Variants in UBAP2L observed in about 807,000 individuals in gnomAD.
UBAP2L encodes the protein ubiquitin-associated protein 2-like.
Under a neutral mutation model 130.6 loss-of-function variants are expected in UBAP2L, and 12 were observed. That is an observed-to-expected ratio of 0.09 (90% CI 0.06 to 0.15). UBAP2L has a LOEUF of 0.15. Ranked by LOEUF, UBAP2L falls within the 10% of genes least tolerant of loss-of-function variation. The pLI is 1.00. For missense variants in UBAP2L, 965 were observed against 1,332.5 expected (o/e 0.72, Z 4.29); for synonymous variants, 503 against 524.7 (o/e 0.96, Z 0.57).
At chr1:154,221,718 T>C (rs947606820) in intron 1 of UBAP2L, among the ~76,000 whole-genome samples, 4 of 152,224 alleles carry the variant, frequency 2.6e-5, no homozygotes, top group African/African-American at 9.6e-5. Context: ...TCAGCTCCTC[T>C]TATTACCCTC....
intron 7 of UBAP2L, 21 bp from the exon 8 acceptor site, chr1:154,237,003 C>CT: frequency 2.5e-6 from 4 of 1,600,646 alleles, no homozygotes; most frequent in East Asian, 2.2e-5. Flanking sequence ...GTCAGAGACT[C>CT]TTAAGTTTTA....
Position 154,259,936 on chromosome 1 carries a change from CCT to C in UBAP2L, c.2497-9_2497-8del. 1.9e-6 allele frequency: 3 copies of C among 1,613,020 alleles called. No individual in the cohort carries two copies. The highest frequency in any genetic ancestry group is 2.5e-6 in the Non-Finnish European group (3 of 1,179,216). On this transcript the variant is annotated splice_polypyrimidine_tract_variant and intron_variant, in intron 21 of 26. Transcript: ENST00000428931. ...ACATTGAATCTCTGCTCTTTTTTCC[CCT>C]CTTTTCTAGGATTACTACAGCATCC...
chr1:154,220,636 A>C, upstream of UBAP2L: 1 of 588,018 alleles, frequency 1.7e-6, no homozygotes, highest in South Asian at 2.0e-5. Context: ...CAGGCAGGCA[A>C]TGGCACCCAG....
chr1:154,256,638 C>T (rs545794847), intron 18 of UBAP2L, among the ~76,000 whole-genome samples: 1 of 151,660 alleles, frequency 6.6e-6, no homozygotes, highest in Non-Finnish European at 1.5e-5. Context: ...GACCCTGTCT[C>T]AAAAAAAATG....
At chr1:154,222,678 A>C (rs1386610087) in intron 1 of UBAP2L, among the ~76,000 whole-genome samples, 1 of 152,188 alleles carries the variant, frequency 6.6e-6, no homozygotes, top group East Asian at 1.9e-4. Flanking sequence ...ATTTTACCCA[A>C]CTCAGTCTAG....
intron 1 of UBAP2L, 179 bp downstream of exon 1, chr1:154,221,154 C>T (rs1665829354): frequency 6.6e-6 from 1 of 152,076 alleles, no homozygotes; most frequent in African/African-American, 2.4e-5. Flanking sequence ...TGTGTTCCCC[C>T]ACTGTACACC....
chr1:154,259,038 TG>T lies in UBAP2L; in HGVS notation c.2496+9del. 1 of 1,613,074 alleles carries T rather than the reference TG, an allele frequency of 6.2e-7. No individual in the cohort carries two copies. Among genetic ancestry groups the T allele is most frequent in the East Asian group, 2.2e-5 (1 of 44,872 alleles). Reference sequence around the variant, plus strand: ...CAGACAAGATTTCCATTGGTGAGTATGTGGGATAGAGCTTTGGAAAAGAAAG... The same window carrying T: ...CAGACAAGATTTCCATTGGTGAGTATTGGGATAGAGCTTTGGAAAAGAAAG... On this transcript the variant is annotated intron_variant, in intron 21 of 26. Transcript: ENST00000428931.
At chr1:154,234,863 C>T (rs2148628133) in intron 5 of UBAP2L, 104 bp downstream of exon 5, 1 of 1,482,498 alleles carries the variant, frequency 6.7e-7, no homozygotes, top group East Asian at 2.5e-5. Context: ...ATTATATTAT[C>T]CTTTTGCTTT....
upstream of UBAP2L, chr1:154,220,489 G>T: frequency 6.5e-7 from 1 of 1,528,734 alleles, no homozygotes; most frequent in Non-Finnish European, 9.1e-7. Context: ...AAGCGACGGC[G>T]CCTGGGTCCC....
At chr1:154,257,023 T>A in intron 18 of UBAP2L, 40 bp from the exon 19 acceptor site, 1 of 1,590,956 alleles carries the variant, frequency 6.3e-7, no homozygotes, top group Non-Finnish European at 8.6e-7. Flanking sequence ...GATGCTGATC[T>A]CTTTTCTTCT....
At chr1:154,250,643 C>T (rs1248808276) in intron 12 of UBAP2L, among the ~76,000 whole-genome samples, 2 of 152,000 alleles carry the variant, frequency 1.3e-5, no homozygotes, top group African/African-American at 2.4e-5. Context: ...CACTTGAGGT[C>T]AGGAGTTCGA....
chr1:154,247,065 T>C (rs1675775061), intron 11 of UBAP2L, among the ~76,000 whole-genome samples: 1 of 152,246 alleles, frequency 6.6e-6, no homozygotes, highest in Non-Finnish European at 1.5e-5. Flanking sequence ...AGTTTTCTCA[T>C]AGTCATTGAG....
chr1:154,243,388 C>T (rs543282659), intron 10 of UBAP2L, 86 bp downstream of exon 10: 3 of 1,181,166 alleles, frequency 2.5e-6, no homozygotes, highest in South Asian at 1.3e-5. Context: ...CCTTTGTAAA[C>T]TCCCATGGTG....
chr1:154,264,392 T>C (rs1372739343), intron 24 of UBAP2L, among the ~76,000 whole-genome samples: 1 of 152,126 alleles, frequency 6.6e-6, no homozygotes, highest in Admixed American at 6.6e-5. Context: ...GGTGTTGATG[T>C]TGGAAGGAAA....
At chr1:154,251,750 C>T (rs1433964002) in intron 14 of UBAP2L, 97 bp downstream of exon 14, 13 of 1,381,796 alleles carry the variant, frequency 9.4e-6, no homozygotes, top group African/African-American at 1.5e-5. Context: ...CCAAGCCCCT[C>T]TGCATGGCTG....
At chr1:154,259,489 G>A (rs560241175) in intron 21 of UBAP2L, among the ~76,000 whole-genome samples, 362 of 151,976 alleles carry the variant, frequency 2.4e-3, no homozygotes, top group Non-Finnish European at 4.3e-3. Context: ...GCCGCACCCA[G>A]CCTTTTTTTT....
intron 1 of UBAP2L, among the ~76,000 whole-genome samples, chr1:154,224,774 A>G (rs538200667): frequency 6.6e-6 from 1 of 152,214 alleles, no homozygotes; most frequent in Non-Finnish European, 1.5e-5. Context: ...ACTTGCATCT[A>G]TGTAAAAGGC....
At chr1:154,243,439 T>C in intron 10 of UBAP2L, 137 bp downstream of exon 10, 1 of 640,474 alleles carries the variant, frequency 1.6e-6, no homozygotes, top group Non-Finnish European at 2.5e-6. Flanking sequence ...ATTACATTCC[T>C]CTTAAGTTGA....
Position 154,270,787 on chromosome 1 carries a change from G to A in UBAP2L, c.*492G>A, listed in dbSNP as rs201574488. 5.1e-5 allele frequency: 14 copies of A among 275,902 alleles called. No homozygotes were observed. The African/African-American group carries it at 7.9e-4, about 15-fold the overall frequency. 17.1% of individuals were successfully genotyped at this position (275,902 alleles called of 1,614,324 possible). On this transcript the variant is annotated 3_prime_UTR_variant, in exon 27 of 27. Coordinates refer to ENST00000428931, the MANE Select transcript of UBAP2L (RefSeq NM_014847.4). Reference sequence around the variant, plus strand: ...TTTTTTTTGTTTTTTTTTTTTTTTTGTACTGTGTCCTCAAATTTAATGGAT... The same window carrying A: ...TTTTTTTTGTTTTTTTTTTTTTTTTATACTGTGTCCTCAAATTTAATGGAT...
Sources: gnomAD v4.1 joint callset for allele counts (sites outside exome capture counted in the v4.1 genomes callset) on GRCh38, gnomAD v4.1.1 for gene constraint, MANE v1.5 for transcripts, NCBI Gene and HGNC (gene_info 2026-07-23, HGNC 2026-07-21) for gene names.